Variants in NTM observed in about 807,000 individuals in gnomAD.
NTM encodes the protein neurotrimin.
A neutral mutation model predicts 42.1 loss-of-function variants in NTM; 13 were observed. The observed-to-expected ratio is 0.31, with a 90% CI of 0.20 to 0.49. The LOEUF (loss-of-function observed/expected upper bound fraction) is 0.49, where lower values mean the gene tolerates loss of function less well. Among genes scored for constraint, NTM ranks in the 20% least tolerant of loss-of-function variants. NTM has a pLI of 0.99. For synonymous variants in NTM, 187 were observed against 179.2 expected (o/e 1.04, Z -0.35); for missense variants, 373 against 452.8 (o/e 0.82, Z 1.60).
chr11:132,080,782 C>A (rs1033356851), intron 2 of NTM, among the ~76,000 whole-genome samples: 1 of 152,138 alleles, frequency 6.6e-6, no homozygotes, highest in South Asian at 2.1e-4. Context: ...CTAAAAAAAA[C>A]TGTGAAATGT....
chr11:132,133,211 T>C (rs2137105123), intron 2 of NTM, among the ~76,000 whole-genome samples: 1 of 152,340 alleles, frequency 6.6e-6, no homozygotes, highest in African/African-American at 2.4e-5. Context: ...AAACTTCACT[T>C]CTACAAGCCC....
Position 131,952,731 on chromosome 11 carries a change from A to G in NTM, c.167+41083A>G, listed in dbSNP as rs185298273. Among the ~76,000 whole-genome samples, 643 of 152,352 alleles carry G rather than the reference A, an allele frequency of 4.2e-3. 3 individuals are homozygous for G. Among genetic ancestry groups the G allele is most frequent in the African/African-American group, 0.015 (608 of 41,590 alleles). Reference sequence around the variant, plus strand: ...TCAACTCAATTAATTTTCTCTAAAAAAGAAGAAATTTATTACTCCAACACA... The same window carrying G: ...TCAACTCAATTAATTTTCTCTAAAAGAGAAGAAATTTATTACTCCAACACA... On this transcript the variant is annotated intron_variant, in intron 2 of 8. Coordinates refer to ENST00000683400, the MANE Select transcript of NTM (RefSeq NM_001352005.2).
intron 1 of NTM, among the ~76,000 whole-genome samples, chr11:131,499,501 T>C (rs2046461413): frequency 6.6e-6 from 1 of 152,228 alleles, no homozygotes; most frequent in African/African-American, 2.4e-5. Context: ...CACTTCACTT[T>C]TGCTTCTTTC....
At chr11:132,043,984 G>GTC (rs1331700860) in intron 2 of NTM, among the ~76,000 whole-genome samples, 1 of 150,728 alleles carries the variant, frequency 6.6e-6, no homozygotes, top group Admixed American at 6.6e-5. Flanking sequence ...GTGTGTGTGT[G>GTC]TGTGTGTGTA....
intron 2 of NTM, among the ~76,000 whole-genome samples, chr11:132,098,863 C>T (rs2061331362): frequency 6.6e-6 from 1 of 152,276 alleles, no homozygotes; most frequent in Non-Finnish European, 1.5e-5. Flanking sequence ...CCTGCACAAC[C>T]TGTATACAGC....
chr11:131,710,596 G>T (rs1019889263), intron 1 of NTM, among the ~76,000 whole-genome samples: 2 of 152,080 alleles, frequency 1.3e-5, no homozygotes, highest in African/African-American at 4.8e-5. Flanking sequence ...TTCACTAATG[G>T]AGTGGTTTTC....
chr11:132,084,333 A>G (rs7938091), intron 2 of NTM, among the ~76,000 whole-genome samples: 77,675 of 151,986 alleles, frequency 0.51, 20,282 homozygotes, highest in African/African-American at 0.55. Context: ...GATTGATAGC[A>G]TATACTCAGA....
At chr11:131,963,815 A>C (rs2062501141) in intron 2 of NTM, among the ~76,000 whole-genome samples, 1 of 152,212 alleles carries the variant, frequency 6.6e-6, no homozygotes, top group Non-Finnish European at 1.5e-5. Context: ...ATATGTACCT[A>C]CTTATTTAAT....
At chr11:132,025,526 T>G (rs919499138) in intron 2 of NTM, among the ~76,000 whole-genome samples, 6 of 152,250 alleles carry the variant, frequency 3.9e-5, no homozygotes, top group African/African-American at 1.4e-4. Context: ...TACGAGAAAT[T>G]CTTGGGGTTG....
At chr11:131,437,849 C>T (rs111310720) in intron 1 of NTM, among the ~76,000 whole-genome samples, 9 of 152,110 alleles carry the variant, frequency 5.9e-5, no homozygotes, top group Non-Finnish European at 8.8e-5. Flanking sequence ...TTATTTTGCC[C>T]GTTAGTTGAT....
chr11:131,822,575 A>T (rs914315270), intron 1 of NTM, among the ~76,000 whole-genome samples: 1 of 152,216 alleles, frequency 6.6e-6, no homozygotes, highest in Non-Finnish European at 1.5e-5. Flanking sequence ...CCCTCATAAC[A>T]GCTGCTTTCA....
At chr11:131,438,141 C>T (rs917778748) in intron 1 of NTM, among the ~76,000 whole-genome samples, 10 of 152,134 alleles carry the variant, frequency 6.6e-5, no homozygotes, top group Non-Finnish European at 1.5e-4. Context: ...GAGTTTCTGC[C>T]GAGGGATCCT....
At chr11:132,104,778 G>A (rs1350967408) in intron 2 of NTM, among the ~76,000 whole-genome samples, 1 of 149,356 alleles carries the variant, frequency 6.7e-6, no homozygotes, top group African/African-American at 2.5e-5. Flanking sequence ...GGTGGTACAT[G>A]CCTGTAGTTC....
intron 1 of NTM, among the ~76,000 whole-genome samples, chr11:131,629,422 G>A (rs544448777): frequency 6.6e-6 from 1 of 152,166 alleles, no homozygotes; most frequent in African/African-American, 2.4e-5. Context: ...GGCCCTGGAA[G>A]GGTCTTACAC....
intron 1 of NTM, among the ~76,000 whole-genome samples, chr11:131,494,504 A>G (rs1191565885): frequency 1.3e-5 from 2 of 152,192 alleles, no homozygotes; most frequent in African/African-American, 4.8e-5. Flanking sequence ...ATGGTAACCA[A>G]TTGAACCCAT....
rs76499147 is a variant in NTM, at chr11:132,095,165, T to C, written c.168-51117T>C. Among the ~76,000 whole-genome samples the C allele has an allele frequency of 4.8e-3, 725 of 152,316 alleles. 3 individuals are homozygous for C. The highest frequency in any genetic ancestry group is 7.3e-3 in the Non-Finnish European group (499 of 68,030). On this transcript the variant is annotated intron_variant, in intron 2 of 8. Transcript: ENST00000683400. ...TACTTTGTGGCTGCAGTGGGTACATTGAAGGCAGCTGTCTGCAGATCTGAG... is the reference window on the plus strand; with the variant it reads ...TACTTTGTGGCTGCAGTGGGTACATCGAAGGCAGCTGTCTGCAGATCTGAG...
At chr11:131,837,669 A>G (rs188817497) in intron 1 of NTM, among the ~76,000 whole-genome samples, 8 of 152,238 alleles carry the variant, frequency 5.3e-5, no homozygotes, top group Non-Finnish European at 1.2e-4. Flanking sequence ...AGGTTTTTCA[A>G]CGGGCCCCAA....
At chr11:131,978,120 C>T (rs1015581868) in intron 2 of NTM, among the ~76,000 whole-genome samples, 2 of 152,020 alleles carry the variant, frequency 1.3e-5, no homozygotes, top group Non-Finnish European at 2.9e-5. Flanking sequence ...AGAATGAGAG[C>T]GCATATCATC....
At chr11:131,634,384 T>A (rs1374785098) in intron 1 of NTM, among the ~76,000 whole-genome samples, 3 of 126,402 alleles carry the variant, frequency 2.4e-5, no homozygotes, top group African/African-American at 7.8e-5. Context: ...CAGAGGAAAT[T>A]TCAAGCCCCC....
Sources: gnomAD v4.1 joint callset for allele counts (sites outside exome capture counted in the v4.1 genomes callset) on GRCh38, gnomAD v4.1.1 for gene constraint, MANE v1.5 for transcripts, NCBI Gene and HGNC (gene_info 2026-07-23, HGNC 2026-07-21) for gene names.